CHD6: variants seen among roughly 807,000 people sequenced by gnomAD.
CHD6 encodes ATP-dependent chromatin remodeler CHD6.
Under a neutral mutation model 276.9 loss-of-function variants are expected in CHD6, and 50 were observed. That is an observed-to-expected ratio of 0.18 (90% CI 0.14 to 0.23). The LOEUF (loss-of-function observed/expected upper bound fraction) is 0.23, where lower values mean the gene tolerates loss of function less well. CHD6 is among the 10% of genes least tolerant of loss of function. CHD6 has a pLI of 1.00. For synonymous variants in CHD6, 1,173 were observed against 1,229.3 expected, an observed-to-expected ratio of 0.95 and a Z score of 0.96; for missense variants, 2,564 against 3,365.8, an observed-to-expected ratio of 0.76 and a Z score of 5.89.
chr20:41,411,054 A>C (rs1476795694), intron 36 of CHD6, among the ~76,000 whole-genome samples: 1 of 152,132 alleles, frequency 6.6e-6, no homozygotes, highest in Non-Finnish European at 1.5e-5. Context: ...AAAGGGTAGA[A>C]GGGACATTTT....
chr20:41,591,666 C>G (rs928143900), intron 1 of CHD6, among the ~76,000 whole-genome samples: 1 of 152,122 alleles, frequency 6.6e-6, no homozygotes, highest in Non-Finnish European at 1.5e-5. Context: ...GCACTCCAGC[C>G]TGGGCAACAA....
At chr20:41,595,742 G>C (rs1233465520) in intron 1 of CHD6, among the ~76,000 whole-genome samples, 1 of 151,734 alleles carries the variant, frequency 6.6e-6, no homozygotes, top group Non-Finnish European at 1.5e-5. Context: ...AGCAACAAAT[G>C]ATAAAATATT....
chr20:41,516,927 G>C (rs1011849927), intron 3 of CHD6, among the ~76,000 whole-genome samples: 1 of 152,136 alleles, frequency 6.6e-6, no homozygotes, highest in Non-Finnish European at 1.5e-5. Context: ...TTCCCATCAG[G>C]AGAGTTAGTA....
intron 31 of CHD6, among the ~76,000 whole-genome samples, chr20:41,418,835 G>A (rs890835191): frequency 3.9e-5 from 6 of 152,134 alleles, no homozygotes; most frequent in East Asian, 1.9e-4. Flanking sequence ...TCCCACCCAC[G>A]CGTGCACATG....
chr20:41,532,031 G>A (rs2044698037), intron 3 of CHD6, among the ~76,000 whole-genome samples: 1 of 152,188 alleles, frequency 6.6e-6, no homozygotes, highest in Non-Finnish European at 1.5e-5. Context: ...TAGGAGTCAT[G>A]TATTTGGTGT....
intron 1 of CHD6, among the ~76,000 whole-genome samples, chr20:41,599,059 T>C (rs561214829): frequency 6.6e-6 from 1 of 152,364 alleles, no homozygotes; most frequent in South Asian, 2.1e-4. Context: ...TTTCAATCTA[T>C]ATTGTTCTCA....
chr20:41,589,481 T>C (rs141716026), intron 1 of CHD6, among the ~76,000 whole-genome samples: 1,619 of 152,218 alleles, frequency 0.011, 27 homozygotes, highest in African/African-American at 0.036. Context: ...ATCATCTCAG[T>C]CCAAAATCTC....
At chr20:41,495,055 A>C (rs1034853682) in intron 8 of CHD6, among the ~76,000 whole-genome samples, 3 of 146,810 alleles carry the variant, frequency 2.0e-5, no homozygotes, top group African/African-American at 5.2e-5. Flanking sequence ...AAAAAAAAAA[A>C]CCCAGTTTGT....
Position 41,405,613 on chromosome 20 carries a change from A to G in CHD6, c.7252-124T>C, listed in dbSNP as rs1331245142. ...CAGCTGCACGAAGGGTTCCCAGTAC[A>G]AGGAGCACCTCCCGCCTACTTGTGC... is the stretch of plus-strand genomic sequence containing the variant. On this transcript the variant is annotated intron_variant, in intron 36 of 36. Coordinates refer to ENST00000373233, the MANE Select transcript of CHD6 (RefSeq NM_032221.5). 3 of 684,804 alleles carry G rather than the reference A, an allele frequency of 4.4e-6. No homozygotes were observed. In the Admixed American group the frequency reaches 8.7e-5, roughly 20 times the overall value. The allele number at this position is 684,804 out of a possible 1,614,324, so 42.4% of individuals were successfully genotyped here. A position where few individuals can be genotyped will look rare whatever the true frequency, so the allele number is the denominator to read the frequency against.
intron 17 of CHD6, among the ~76,000 whole-genome samples, chr20:41,462,424 A>C (rs138145020): frequency 4.3e-4 from 66 of 152,332 alleles, no homozygotes; most frequent in African/African-American, 1.5e-3. Context: ...TATCCTGCTA[A>C]GTATGTATAG....
chr20:41,412,570 T>C (rs1035221403), intron 35 of CHD6, among the ~76,000 whole-genome samples: 1 of 152,202 alleles, frequency 6.6e-6, no homozygotes, highest in Non-Finnish European at 1.5e-5. Flanking sequence ...CTCTTGATCA[T>C]TTCCTTGCAT....
chr20:41,578,250 A>T (rs2045495224), intron 1 of CHD6, among the ~76,000 whole-genome samples: 1 of 152,216 alleles, frequency 6.6e-6, no homozygotes, highest in Non-Finnish European at 1.5e-5. Context: ...ACTGTTTAAA[A>T]ATAACACATT....
chr20:41,427,128 T>C (rs1247252523), intron 27 of CHD6, among the ~76,000 whole-genome samples: 1 of 151,720 alleles, frequency 6.6e-6, no homozygotes, highest in African/African-American at 2.4e-5. Flanking sequence ...ACAGAAGCCA[T>C]ATATGGCCTT....
chr20:41,443,737 T>C (rs995461121), intron 25 of CHD6, among the ~76,000 whole-genome samples: 20 of 152,214 alleles, frequency 1.3e-4, no homozygotes, highest in African/African-American at 4.6e-4. Context: ...CTTGCTTCCC[T>C]TTCCTGGAGG....
At chr20:41,425,148 G>A in intron 29 of CHD6, 30 bp downstream of exon 29, 8 of 1,587,748 alleles carry the variant, frequency 5.0e-6, no homozygotes, top group Non-Finnish European at 4.3e-6. Flanking sequence ...GTGGGTGGCT[G>A]AGCATGCCCC....
In CHD6 at chr20:41,452,068, C is replaced by T; in HGVS notation, c.3324-43G>A. 6.8e-7 allele frequency: 1 copy of T among 1,462,580 alleles called. No homozygotes were observed. Among genetic ancestry groups the T allele is most frequent in the Non-Finnish European group, 9.6e-7 (1 of 1,046,704 alleles). The allele number at this position is 1,462,580 out of a possible 1,614,324, so 90.6% of individuals were successfully genotyped here. ...GACAGGTGTTGGAGGGAGAATGGAC[C>T]AGGCCATGCAGGCAGCCTCCCCACA... On this transcript the variant is annotated intron_variant, in intron 21 of 36. Transcript: ENST00000373233. This position sits in a 1 kb window ranked among gnomAD's most constrained non-coding sequence, Gnocchi z 4.2.
intron 25 of CHD6, among the ~76,000 whole-genome samples, chr20:41,440,759 T>C (rs2047876865): frequency 6.6e-6 from 1 of 152,208 alleles, no homozygotes; most frequent in African/African-American, 2.4e-5. Context: ...CTGATTTTGT[T>C]TGATAAAGTC....
intron 18 of CHD6, 45 bp downstream of exon 18, chr20:41,457,219 C>T (rs370619463): frequency 4.8e-5 from 76 of 1,585,646 alleles, no homozygotes; most frequent in South Asian, 1.2e-4. Flanking sequence ...CTGGGCTGTG[C>T]GACCAATGTT....
intron 1 of CHD6, among the ~76,000 whole-genome samples, chr20:41,609,567 C>T (rs1315954063): frequency 6.6e-6 from 1 of 152,168 alleles, no homozygotes; most frequent in Non-Finnish European, 1.5e-5. Flanking sequence ...ACAGACACTG[C>T]TGCATTATAA....
Sources: gnomAD v4.1 joint callset for allele counts (sites outside exome capture counted in the v4.1 genomes callset) on GRCh38, gnomAD v4.1.1 for gene constraint, Gnocchi (gnomAD v3.1) non-coding constraint, MANE v1.5 for transcripts, NCBI Gene and HGNC (gene_info 2026-07-23, HGNC 2026-07-21) for gene names.